Variants in SH2D4A observed in about 807,000 individuals in gnomAD.
SH2D4A encodes SH2 domain containing 4A.
Under a neutral mutation model 64.7 loss-of-function variants are expected in SH2D4A, and 70 were observed. The ratio of observed to expected loss-of-function variants is 1.08; its 90% CI spans 0.89 to 1.32. The LOEUF is 1.32. SH2D4A is among the 40% of genes most tolerant of loss of function. SH2D4A has a pLI of 0.00. For synonymous variants in SH2D4A, 268 were observed against 200.7 expected (o/e 1.34, Z -2.83); for missense variants, 706 against 540.1 (o/e 1.31, Z -3.04).
intron 4 of SH2D4A, among the ~76,000 whole-genome samples, chr8:19,344,923 G>C (rs2052588333): frequency 6.6e-6 from 1 of 152,176 alleles, no homozygotes; most frequent in Non-Finnish European, 1.5e-5. Context: ...GATCCTCCCT[G>C]ATAGGAGTTA....
intron 1 of SH2D4A, among the ~76,000 whole-genome samples, chr8:19,318,474 A>C (rs751145972): frequency 3.3e-5 from 5 of 152,182 alleles, no homozygotes; most frequent in Non-Finnish European, 5.9e-5. Flanking sequence ...AGGATTTCCA[A>C]CCACAGGAGA....
intron 3 of SH2D4A, 136 bp from the exon 4 acceptor site, chr8:19,334,550 G>T (rs2052413854): frequency 2.3e-6 from 2 of 881,096 alleles, no homozygotes; most frequent in Admixed American, 6.0e-5. Context: ...CTAGCAAAGG[G>T]CCCAGCATGT....
chr8:19,323,109 C>A (rs943476990), intron 2 of SH2D4A, among the ~76,000 whole-genome samples: 2 of 151,978 alleles, frequency 1.3e-5, no homozygotes, highest in Admixed American at 6.6e-5. Flanking sequence ...TAGGGAGAGA[C>A]GTATGGATCT....
intron 7 of SH2D4A, among the ~76,000 whole-genome samples, chr8:19,366,630 A>G (rs1032826189): frequency 6.6e-6 from 1 of 152,162 alleles, no homozygotes; most frequent in Non-Finnish European, 1.5e-5. Context: ...CCCCGTATTT[A>G]CTAAAAATAC....
chr8:19,322,266 C>T lies in SH2D4A; in HGVS notation c.181+2538C>T, dbSNP rs562399856. On this transcript the variant is annotated intron_variant, in intron 2 of 9. Coordinates refer to ENST00000265807, the MANE Select transcript of SH2D4A (RefSeq NM_022071.4). ...GGTGCTTATCTGTGCTGCAGACCTGCTAAGCCCATGACCCTTGTGGGTTGA... is the reference window on the plus strand; with the variant it reads ...GGTGCTTATCTGTGCTGCAGACCTGTTAAGCCCATGACCCTTGTGGGTTGA... Among the ~76,000 whole-genome samples the T allele has an allele frequency of 5.3e-4, 80 of 152,228 alleles. 1 individual carries two copies. The highest frequency in any genetic ancestry group is 1.9e-3 in the African/African-American group (79 of 41,488).
At position 19,363,868 on chromosome 8, in the gene SH2D4A, T is replaced by C; in HGVS notation, c.707-204T>C. ...CTCCCTCTCAGAAAACCCCCAGTCC[T>C]GTATGAAGAGAGGAATCCTGCAGCG... On this transcript the variant is annotated intron_variant, in intron 6 of 9. Coordinates refer to ENST00000265807, the MANE Select transcript of SH2D4A (RefSeq NM_022071.4). 8.5e-6 allele frequency: 5 copies of C among 588,104 alleles called. No homozygotes were observed. The South Asian group carries it at 1.0e-4, about 12-fold the overall frequency. The allele number at this position is 588,104 out of a possible 1,614,324, so 36.4% of individuals were successfully genotyped here.
intron 2 of SH2D4A, among the ~76,000 whole-genome samples, 192 bp downstream of exon 2, chr8:19,319,920 T>C (rs1440196560): frequency 6.6e-6 from 1 of 152,190 alleles, no homozygotes; most frequent in African/African-American, 2.4e-5. Flanking sequence ...GCATTCACCA[T>C]GGAGTTGCAT....
intron 8 of SH2D4A, 114 bp downstream of exon 8, chr8:19,373,774 C>G: frequency 1.5e-6 from 2 of 1,349,464 alleles, no homozygotes; most frequent in Non-Finnish European, 2.0e-6. Context: ...CAAAAAGAGT[C>G]TTTCAGATTA....
intron 4 of SH2D4A, among the ~76,000 whole-genome samples, chr8:19,351,008 C>T (rs1281216007): frequency 1.3e-5 from 2 of 152,096 alleles, no homozygotes; most frequent in Non-Finnish European, 1.5e-5. Context: ...TTTACTGTCC[C>T]GCTTTTTGTC....
At chr8:19,330,252 CT>C (rs1214543757) in intron 2 of SH2D4A, among the ~76,000 whole-genome samples, 1 of 152,200 alleles carries the variant, frequency 6.6e-6, no homozygotes, top group East Asian at 1.9e-4. Context: ...CTTCCCCCTC[CT>C]CCTACAGCTT....
intron 4 of SH2D4A, among the ~76,000 whole-genome samples, chr8:19,340,601 C>CTTTTTTTT (rs535915285): frequency 5.6e-4 from 56 of 100,488 alleles, no homozygotes; most frequent in Non-Finnish European, 8.3e-4. Flanking sequence ...TTCTTTCTTT[C>CTTTTTTTT]TTTTTTTTTT....
chr8:19,326,718 C>T (rs1006304244), intron 2 of SH2D4A, among the ~76,000 whole-genome samples: 6 of 152,032 alleles, frequency 3.9e-5, no homozygotes, highest in African/African-American at 1.2e-4. Context: ...TCCCCCCTCT[C>T]GCACACACGT....
intron 4 of SH2D4A, among the ~76,000 whole-genome samples, chr8:19,336,589 A>C (rs1453441499): frequency 6.6e-6 from 1 of 152,146 alleles, no homozygotes; most frequent in African/African-American, 2.4e-5. Context: ...GTTTGCTCAC[A>C]CTTGTAATCT....
chr8:19,323,688 G>A (rs978880729), intron 2 of SH2D4A, among the ~76,000 whole-genome samples: 10 of 152,072 alleles, frequency 6.6e-5, no homozygotes, highest in South Asian at 2.1e-4. Context: ...GCCTCCTTTT[G>A]ATTTTTTTAA....
intron 8 of SH2D4A, among the ~76,000 whole-genome samples, chr8:19,375,988 A>G (rs2053189515): frequency 6.6e-6 from 1 of 151,938 alleles, no homozygotes; most frequent in Non-Finnish European, 1.5e-5. Flanking sequence ...TGCCTCGGTC[A>G]CCTCTCCAGG....
chr8:19,365,539 C>G (rs2052978987), intron 7 of SH2D4A, among the ~76,000 whole-genome samples: 1 of 152,194 alleles, frequency 6.6e-6, no homozygotes, highest in Non-Finnish European at 1.5e-5. Context: ...AACTCCTGTT[C>G]ACCGTCTCTT....
chr8:19,319,452 G>A lies in SH2D4A; in HGVS notation c.-96G>A, dbSNP rs995777286. The A allele has an allele frequency of 3.0e-6, 4 of 1,343,806 alleles. No homozygotes were observed. The highest frequency in any genetic ancestry group is 2.4e-5 in the South Asian group (1 of 41,360). The allele number at this position is 1,343,806 out of a possible 1,614,324, so 83.2% of individuals were successfully genotyped here. The stretch of plus-strand genomic sequence containing the variant: ...GATTGTGAGCTGTTTGGGAAGTTTC[G>A]TGGAAACGCCCAAGTGCCAGCACAG... On this transcript the variant is annotated 5_prime_UTR_variant, in exon 2 of 10. In the 5' UTR this introduces an upstream ATG that the reference lacks. Transcript: ENST00000265807.
chr8:19,393,470 G>C lies in SH2D4A; in HGVS notation c.1201G>C (p.Asp401His), dbSNP rs558605926. 1 of 1,614,250 alleles carries C rather than the reference G, an allele frequency of 6.2e-7. No individual in the cohort carries two copies. Among genetic ancestry groups the C allele is most frequent in the African/African-American group, 1.3e-5 (1 of 75,070 alleles). Residue 401 changes from aspartate (D) to histidine (H), a missense_variant, in exon 9 of 10, where the codon GAC becomes CAC. Transcript: ENST00000265807. ...ACATTTCCTCATCGATGCCTCTGCA[G>C]ACGCCTACAGCTTCCTGGGCGTGGA... ...CKHFLIDASADAYSFLGVDQL... is the reference protein window; with the variant it reads ...CKHFLIDASAHAYSFLGVDQL...
chr8:19,358,132 G>T (rs1353364932), intron 5 of SH2D4A, among the ~76,000 whole-genome samples: 1 of 152,168 alleles, frequency 6.6e-6, no homozygotes, highest in African/African-American at 2.4e-5. Flanking sequence ...AGCAATAGGG[G>T]ATCTAAAGGA....
Sources: gnomAD v4.1 joint callset for allele counts (sites outside exome capture counted in the v4.1 genomes callset) on GRCh38, gnomAD v4.1.1 for gene constraint, MANE v1.5 for transcripts, NCBI Gene and HGNC (gene_info 2026-07-23, HGNC 2026-07-21) for gene names.